LHFPL3: variants seen among roughly 807,000 people sequenced by gnomAD.
The protein encoded by LHFPL3 is LHFPL tetraspan subfamily member 3.
Under a neutral mutation model 19.3 loss-of-function variants are expected in LHFPL3, and 5 were observed. That is an observed-to-expected ratio of 0.26 (90% CI 0.14 to 0.54). The LOEUF is 0.54. Ranked by LOEUF, LHFPL3 falls within the 20% of genes least tolerant of loss-of-function variation. The pLI is 0.94. For synonymous variants in LHFPL3, 133 were observed against 126.2 expected, an observed-to-expected ratio of 1.05 and a Z score of -0.36; for missense variants, 249 against 307.4, an observed-to-expected ratio of 0.81 and a Z score of 1.42.
At chr7:104,663,211 T>C (rs757611938) in intron 1 of LHFPL3, among the ~76,000 whole-genome samples, 8 of 152,226 alleles carry the variant, frequency 5.3e-5, no homozygotes, top group Non-Finnish European at 7.3e-5. Context: ...TGAAATGCTT[T>C]ATGGGTTTTT....
intron 1 of LHFPL3, among the ~76,000 whole-genome samples, chr7:104,613,075 T>A (rs932799277): frequency 3.9e-5 from 6 of 152,216 alleles, no homozygotes; most frequent in African/African-American, 7.2e-5. Flanking sequence ...AAGTTATCAG[T>A]TAACTTTTGT....
chr7:104,580,650 A>T lies in LHFPL3; in HGVS notation c.446-156025A>T, dbSNP rs1036249823. The stretch of plus-strand genomic sequence containing the variant: ...ACTCCCCTGTAACTCAAACATCTAT[A>T]AAGATATAGAACATTTCCATCACCC... On this transcript the variant is annotated intron_variant, in intron 1 of 2. Coordinates refer to ENST00000424859, the MANE Select transcript of LHFPL3 (RefSeq NM_199000.3). 2.6e-5 allele frequency among the ~76,000 whole-genome samples: 4 copies of T among 152,214 alleles called. No homozygotes were observed. The South Asian group carries it at 6.2e-4, about 24-fold the overall frequency.
chr7:104,566,540 ACATAAGAAC>A (rs1420832781), intron 1 of LHFPL3, among the ~76,000 whole-genome samples: 1 of 152,224 alleles, frequency 6.6e-6, no homozygotes, highest in Non-Finnish European at 1.5e-5. Flanking sequence ...ATGGGTTTTC[ACATAAGAAC>A]CAAAGATGGC....
intron 1 of LHFPL3, among the ~76,000 whole-genome samples, chr7:104,430,400 A>G (rs867271868): frequency 0.027 from 1,043 of 39,004 alleles, 53 homozygotes; most frequent in African/African-American, 0.04. Context: ...ATATATATAT[A>G]TATACATATA....
At chr7:104,552,953 A>G (rs929686870) in intron 1 of LHFPL3, among the ~76,000 whole-genome samples, 2 of 152,046 alleles carry the variant, frequency 1.3e-5, no homozygotes, top group Non-Finnish European at 2.9e-5. Context: ...TTCAGTTTTT[A>G]CTCTTTAAAT....
intron 1 of LHFPL3, among the ~76,000 whole-genome samples, chr7:104,424,395 C>A (rs949893618): frequency 6.6e-6 from 1 of 152,188 alleles, no homozygotes; most frequent in African/African-American, 2.4e-5. Context: ...GGAGCTCTTA[C>A]AGGATCCACA....
At chr7:104,530,549 A>G (rs1262177482) in intron 1 of LHFPL3, among the ~76,000 whole-genome samples, 1 of 152,232 alleles carries the variant, frequency 6.6e-6, no homozygotes, top group Non-Finnish European at 1.5e-5. Context: ...GAATTCAAGG[A>G]AAGCAAAGTG....
chr7:104,587,260 C>T (rs1349625714), intron 1 of LHFPL3, among the ~76,000 whole-genome samples: 1 of 152,078 alleles, frequency 6.6e-6, no homozygotes, highest in Non-Finnish European at 1.5e-5. Context: ...CTAATGCTAT[C>T]CCTCCCCTCT....
chr7:104,386,595 T>C lies in LHFPL3; in HGVS notation c.445+57371T>C, dbSNP rs549650999. Among the ~76,000 whole-genome samples the C allele has an allele frequency of 2.4e-4, 37 of 152,332 alleles. No individual in the cohort carries two copies. In the South Asian group the frequency reaches 6.6e-3, roughly 27 times the overall value. Reference sequence around the variant, plus strand: ...AAAATGCCCTAATTTCTCACCTCTGTCTAACCTTGAGTCTCTGCAAAAGCA... The same window carrying C: ...AAAATGCCCTAATTTCTCACCTCTGCCTAACCTTGAGTCTCTGCAAAAGCA... On this transcript the variant is annotated intron_variant, in intron 1 of 2. Coordinates refer to ENST00000424859, the MANE Select transcript of LHFPL3 (RefSeq NM_199000.3).
At chr7:104,336,759 G>A (rs1156264585) in intron 1 of LHFPL3, among the ~76,000 whole-genome samples, 1 of 152,194 alleles carries the variant, frequency 6.6e-6, no homozygotes, top group Non-Finnish European at 1.5e-5. Context: ...ATGATTGTCT[G>A]AGTGAAGTTG....
chr7:104,852,288 A>T (rs770096110), intron 2 of LHFPL3, among the ~76,000 whole-genome samples: 10 of 152,250 alleles, frequency 6.6e-5, no homozygotes, highest in Non-Finnish European at 1.0e-4. Flanking sequence ...GGAAAATCCA[A>T]AGAGAAGCCA....
intron 1 of LHFPL3, among the ~76,000 whole-genome samples, chr7:104,575,507 T>C (rs1325070277): frequency 2.0e-5 from 3 of 146,570 alleles, no homozygotes; most frequent in African/African-American, 7.7e-5. Context: ...AATAGGCCTA[T>C]TTTTAATATA....
chr7:104,593,883 A>C (rs1790783573), intron 1 of LHFPL3, among the ~76,000 whole-genome samples: 1 of 150,986 alleles, frequency 6.6e-6, no homozygotes, highest in African/African-American at 2.4e-5. Context: ...TTTTTTTTGC[A>C]TTCCATTTGC....
intron 1 of LHFPL3, among the ~76,000 whole-genome samples, chr7:104,385,758 T>A (rs1790929114): frequency 6.6e-6 from 1 of 152,230 alleles, no homozygotes; most frequent in Admixed American, 6.5e-5. Flanking sequence ...TATTATAATG[T>A]GTGGACTATA....
intron 1 of LHFPL3, among the ~76,000 whole-genome samples, chr7:104,523,014 G>A (rs7785191): frequency 0.49 from 63,885 of 131,214 alleles, 13,631 homozygotes; most frequent in Middle Eastern, 0.55. Flanking sequence ...ATGTATATAT[G>A]CACATATATA....
chr7:104,716,077 G>C (rs563029900), intron 1 of LHFPL3, among the ~76,000 whole-genome samples: 1 of 152,304 alleles, frequency 6.6e-6, no homozygotes, highest in South Asian at 2.1e-4. Context: ...GGCCAGGCAC[G>C]CTGGCTCATG....
Position 104,424,983 on chromosome 7 carries a change from T to TAAAAAAAAAAAAA in LHFPL3, c.445+95769_445+95781dup, listed in dbSNP as rs71153196. Among the ~76,000 whole-genome samples, 236 of 65,124 alleles carry TAAAAAAAAAAAAA rather than the reference T, an allele frequency of 3.6e-3. 21 individuals carry two copies. The highest frequency in any genetic ancestry group is 8.6e-3 in the African/African-American group (131 of 15,236). 42.7% of individuals were successfully genotyped at this position (65,124 alleles called of 152,430 possible). A position where few individuals can be genotyped will look rare whatever the true frequency, so the allele number is the denominator to read the frequency against. On this transcript the variant is annotated intron_variant, in intron 1 of 2. Coordinates refer to ENST00000424859, the MANE Select transcript of LHFPL3 (RefSeq NM_199000.3). ...GGCGACAGAGTGAGACTCCATCTCA[T>TAAAAAAAAAAAAA]AAAAAAAAAAAAAAAAAAAAAAGAA...
At chr7:104,419,334 T>C (rs1791683602) in intron 1 of LHFPL3, among the ~76,000 whole-genome samples, 1 of 152,276 alleles carries the variant, frequency 6.6e-6, no homozygotes, top group South Asian at 2.1e-4. Flanking sequence ...TATAGGATTA[T>C]GGGAAAGAGA....
At chr7:104,873,687 A>G (rs572229768) in intron 2 of LHFPL3, among the ~76,000 whole-genome samples, 2 of 152,346 alleles carry the variant, frequency 1.3e-5, no homozygotes, top group Admixed American at 1.3e-4. Context: ...CTGATTTTTA[A>G]CAATATATGA....
Sources: gnomAD v4.1 joint callset for allele counts (sites outside exome capture counted in the v4.1 genomes callset) on GRCh38, gnomAD v4.1.1 for gene constraint, MANE v1.5 for transcripts, NCBI Gene and HGNC (gene_info 2026-07-23, HGNC 2026-07-21) for gene names.